The following TSNARE1 variants were observed in gnomAD, a reference collection of about 807,000 sequenced individuals.
TSNARE1 encodes the protein t-SNARE domain containing 1, also known as t-SNARE domain-containing protein 1.
Under a neutral mutation model 62.0 loss-of-function variants are expected in TSNARE1, and 49 were observed. The ratio of observed to expected loss-of-function variants is 0.79; its 90% CI spans 0.63 to 1.00. The LOEUF is 1.00. Among genes scored for constraint, TSNARE1 ranks in the 50% least tolerant of loss-of-function variants. The probability of loss-of-function intolerance (pLI) is 0.00; values close to 1 mark genes in which losing one functional copy is unlikely to be tolerated. For synonymous variants in TSNARE1, 328 were observed against 294.4 expected, an observed-to-expected ratio of 1.11 and a Z score of -1.17; for missense variants, 755 against 700.1, an observed-to-expected ratio of 1.08 and a Z score of -0.88.
intron 12 of TSNARE1, among the ~76,000 whole-genome samples, chr8:142,251,588 G>A (rs141414707): frequency 0.014 from 2,059 of 152,252 alleles, 43 homozygotes; most frequent in African/African-American, 0.046. Context: ...TCAGGCCCTG[G>A]TCACATTCCT....
intron 12 of TSNARE1, chr8:142,270,271 C>A: frequency 1.0e-6 from 1 of 985,404 alleles, no homozygotes. Flanking sequence ...GATCTGAAGA[C>A]GCAGGGAAGT....
intron 11 of TSNARE1, chr8:142,276,347 TG>T (rs1220234656): frequency 1.0e-6 from 1 of 985,318 alleles, no homozygotes; most frequent in Non-Finnish European, 1.2e-6. Flanking sequence ...GGAAGGAAGA[TG>T]GGGCCAGAGG....
At chr8:142,219,148 CTG>C (rs1322888894) in intron 13 of TSNARE1, among the ~76,000 whole-genome samples, 1 of 149,374 alleles carries the variant, frequency 6.7e-6, no homozygotes, top group Non-Finnish European at 1.5e-5. Context: ...TGGTGCTTCC[CTG>C]GGGTGGGGCC....
chr8:142,230,949 C>A (rs987698361), intron 12 of TSNARE1, among the ~76,000 whole-genome samples: 13 of 136,784 alleles, frequency 9.5e-5, no homozygotes, highest in African/African-American at 3.5e-4. Context: ...TCCACCTATC[C>A]ACCCATCATC....
At chr8:142,245,332 G>A (rs1279632542) in intron 12 of TSNARE1, among the ~76,000 whole-genome samples, 1 of 152,084 alleles carries the variant, frequency 6.6e-6, no homozygotes, top group Non-Finnish European at 1.5e-5. Flanking sequence ...GTAGAGAGCT[G>A]GAGACATGCT....
chr8:142,287,651 C>G (rs914889469), intron 10 of TSNARE1, among the ~76,000 whole-genome samples: 1 of 122,064 alleles, frequency 8.2e-6, no homozygotes, highest in Non-Finnish European at 1.7e-5. Flanking sequence ...GGACAGTGGG[C>G]TGCCCTCCAG....
chr8:142,350,348 CA>C (rs1833947422), intron 2 of TSNARE1, among the ~76,000 whole-genome samples: 2 of 152,308 alleles, frequency 1.3e-5, no homozygotes, highest in African/African-American at 2.4e-5. Flanking sequence ...GTAAGTTGAA[CA>C]TTTAGATAAA....
chr8:142,385,903 A>G (rs1047477219), intron 1 of TSNARE1, among the ~76,000 whole-genome samples: 13 of 152,182 alleles, frequency 8.5e-5, no homozygotes, highest in African/African-American at 3.1e-4. Context: ...GAGACTGGGA[A>G]AATAACTCGG....
At chr8:142,352,612 G>C (rs1834246692) in intron 2 of TSNARE1, among the ~76,000 whole-genome samples, 1 of 152,394 alleles carries the variant, frequency 6.6e-6, no homozygotes, top group East Asian at 1.9e-4. Flanking sequence ...GGAATCGAAG[G>C]AGCCACAGCC....
At chr8:142,330,709 G>A (rs570611554) in intron 6 of TSNARE1, among the ~76,000 whole-genome samples, 192 bp downstream of exon 6, 5 of 152,232 alleles carry the variant, frequency 3.3e-5, no homozygotes, top group Non-Finnish European at 5.9e-5. Context: ...TGAGGGCCCA[G>A]TCTCAGGTTC....
rs1342471612 is a variant in TSNARE1, at chr8:142,399,338, T to C, written c.-40+3766A>G. On this transcript the variant is annotated intron_variant, in intron 1 of 13. Coordinates refer to ENST00000524325, the MANE Select transcript of TSNARE1 (RefSeq NM_145003.5). ...CAGCAAATCCCCATCGGGCATTCACTGGGCCCCAGGCCCTGGGCCACAGCT... is the reference window on the plus strand; with the variant it reads ...CAGCAAATCCCCATCGGGCATTCACCGGGCCCCAGGCCCTGGGCCACAGCT... 2.6e-5 allele frequency among the ~76,000 whole-genome samples: 4 copies of C among 152,232 alleles called. No homozygotes were observed. The East Asian group carries it at 7.7e-4, about 29-fold the overall frequency.
upstream of TSNARE1, chr8:142,404,102 T>A (rs1838505237): frequency 6.6e-6 from 1 of 151,476 alleles, no homozygotes; most frequent in Non-Finnish European, 1.5e-5. Flanking sequence ...CCTCACTCTG[T>A]GATGCTTGCT....
At chr8:142,365,633 C>CACACACACAG (rs60883386) in intron 1 of TSNARE1, among the ~76,000 whole-genome samples, 145 of 138,652 alleles carry the variant, frequency 1.0e-3, no homozygotes, top group African/African-American at 3.7e-3. Context: ...CACACACACA[C>CACACACACAG]AGAGAGAGAG....
chr8:142,275,915 G>A, intron 11 of TSNARE1: 5 of 985,392 alleles, frequency 5.1e-6, no homozygotes, highest in African/African-American at 3.5e-5. Flanking sequence ...CACCGTCCCA[G>A]CAAGGACTCC....
At chr8:142,400,700 AC>A (rs1564023916) in intron 1 of TSNARE1, among the ~76,000 whole-genome samples, 1 of 152,236 alleles carries the variant, frequency 6.6e-6, no homozygotes. Context: ...CCCCTAGCCA[AC>A]TGTTCTTATG....
intron 13 of TSNARE1, among the ~76,000 whole-genome samples, chr8:142,220,109 C>T (rs1478151213): frequency 6.6e-6 from 1 of 152,226 alleles, no homozygotes; most frequent in Non-Finnish European, 1.5e-5. Flanking sequence ...TGCAGGGTAA[C>T]AGTAACGCAG....
At position 142,252,134 on chromosome 8, in the gene TSNARE1, G is replaced by A. The variant is rs138240399; in HGVS notation, c.1447-22555C>T. Reference sequence around the variant, plus strand: ...CGGGCACCATGTACCCGCCGCCCGCGTTCTCTGTCTGCAGGGCACGCACGT... The same window carrying A: ...CGGGCACCATGTACCCGCCGCCCGCATTCTCTGTCTGCAGGGCACGCACGT... On this transcript the variant is annotated intron_variant, in intron 12 of 13. Coordinates refer to ENST00000524325, the MANE Select transcript of TSNARE1 (RefSeq NM_145003.5). 3.4e-3 allele frequency among the ~76,000 whole-genome samples: 516 copies of A among 152,274 alleles called. 5 individuals carry two copies. The highest frequency in any genetic ancestry group is 0.022 in the East Asian group (115 of 5,176).
At chr8:142,243,407 C>T (rs767692639) in intron 12 of TSNARE1, among the ~76,000 whole-genome samples, 36 of 151,996 alleles carry the variant, frequency 2.4e-4, no homozygotes, top group African/African-American at 9.7e-5. Context: ...CCAGGAAATA[C>T]GATTCAGCTT....
chr8:142,313,240 G>A (rs575395826), intron 9 of TSNARE1, among the ~76,000 whole-genome samples: 1 of 152,230 alleles, frequency 6.6e-6, no homozygotes, highest in Admixed American at 6.5e-5. Flanking sequence ...ATCTGCATGT[G>A]TCTAGATGTC....
Sources: gnomAD v4.1 joint callset for allele counts (sites outside exome capture counted in the v4.1 genomes callset) on GRCh38, gnomAD v4.1.1 for gene constraint, MANE v1.5 for transcripts, NCBI Gene and HGNC (gene_info 2026-07-23, HGNC 2026-07-21) for gene names.